CTRC: variants seen among roughly 807,000 people sequenced by gnomAD.
The protein encoded by CTRC is chymotrypsin C.
A neutral mutation model predicts 35.7 loss-of-function variants in CTRC; 32 were observed. The ratio of observed to expected loss-of-function variants is 0.90; its 90% CI spans 0.68 to 1.20. CTRC has a LOEUF of 1.20. Among genes scored for constraint, CTRC ranks in the 50% most tolerant of loss-of-function variants. The pLI, the probability that CTRC is intolerant of heterozygous loss-of-function variation, is 0.00. For missense variants in CTRC, 324 were observed against 361.5 expected, an observed-to-expected ratio of 0.90 and a Z score of 0.84; for synonymous variants, 119 against 149.5, an observed-to-expected ratio of 0.80 and a Z score of 1.49.
chr1:15,443,683 G>T (rs775638031), intron 5 of CTRC, 128 bp downstream of exon 5: 341 of 1,160,158 alleles, frequency 2.9e-4, no homozygotes, highest in Non-Finnish European at 4.0e-4. Flanking sequence ...AACAATAACA[G>T]CTAATATTTA....
rs576596713 is a variant in CTRC, at chr1:15,446,941, G to A, written c.*352G>A. 155 of 421,546 alleles carry A rather than the reference G, an allele frequency of 3.7e-4. No homozygotes were observed. Among genetic ancestry groups the A allele is most frequent in the African/African-American group, 2.9e-3 (142 of 49,452 alleles). The allele number at this position is 421,546 out of a possible 1,614,324, so 26.1% of individuals were successfully genotyped here. ...TTCCCCGCTCCATCTCACAAGCTGC[G>A]AACAGGTGAGACCCTGATGAAATCA... On this transcript the variant is annotated 3_prime_UTR_variant, in exon 8 of 8. Transcript: ENST00000375949.
intron 3 of CTRC, among the ~76,000 whole-genome samples, chr1:15,441,989 G>A (rs10436954): frequency 0.013 from 2,037 of 152,038 alleles, 26 homozygotes; most frequent in Non-Finnish European, 0.018. Flanking sequence ...CAATCCCCCC[G>A]TCTCGGCTTC....
In CTRC at chr1:15,445,591, G is replaced by A. The variant is rs766713372; in HGVS notation, c.640-6G>A. ...TGGTGGCTTATGCCCTCCCGGTCTG[G>A]TGCAGGGGGACTCCGGTGGCCCACT... On this transcript the variant is annotated splice_polypyrimidine_tract_variant and splice_region_variant and intron_variant, in intron 6 of 7. Transcript: ENST00000375949. 61 of 1,613,974 alleles carry A rather than the reference G, an allele frequency of 3.8e-5. No individual in the cohort carries two copies. The South Asian group carries it at 6.4e-4, about 17-fold the overall frequency.
chr1:15,445,458 A>G lies in CTRC; in HGVS notation c.640-139A>G, dbSNP rs992083555. The G allele has an allele frequency of 4.9e-6, 4 of 811,754 alleles. No homozygotes were observed. The African/African-American group carries it at 5.0e-5, about 10-fold the overall frequency. 50.3% of individuals were successfully genotyped at this position (811,754 alleles called of 1,614,324 possible). ...CCACATTTCCTCTGCCTCCCTCACC[A>G]TGGGCAGGCTGAGGCCAAATCTGTC... On this transcript the variant is annotated intron_variant, in intron 6 of 7. Coordinates refer to ENST00000375949, the MANE Select transcript of CTRC (RefSeq NM_007272.3).
intron 4 of CTRC, among the ~76,000 whole-genome samples, chr1:15,442,924 C>CA (rs1157785920): frequency 1.3e-5 from 2 of 152,130 alleles, no homozygotes; most frequent in African/African-American, 4.8e-5. Flanking sequence ...CAGCCCTGGA[C>CA]AAAGAACCAA....
chr1:15,440,267 T>A (rs1234984072), intron 1 of CTRC, 33 bp from the exon 2 acceptor site: 2 of 876,892 alleles, frequency 2.3e-6, no homozygotes, highest in Non-Finnish European at 3.3e-6. Flanking sequence ...ACCAGCCCTA[T>A]TCACTGGTTC....
rs1317760083 is a variant in CTRC, at chr1:15,442,428, G to A, written c.231-19G>A. 1 of 1,602,164 alleles carries A rather than the reference G, an allele frequency of 6.2e-7. No homozygotes were observed. Among genetic ancestry groups the A allele is most frequent in the South Asian group, 1.1e-5 (1 of 89,500 alleles). On this transcript the variant is annotated intron_variant, in intron 3 of 7. Transcript: ENST00000375949. ...AGGACCAGGGGGCCACCCTGACCTG[G>A]ACCCCTTCCTCTGCCCAGCAACACC...
chr1:15,446,356 G>A (rs1176737024), intron 7 of CTRC, among the ~76,000 whole-genome samples: 1 of 152,258 alleles, frequency 6.6e-6, no homozygotes, highest in Admixed American at 6.5e-5. Context: ...CCCTGGGCTG[G>A]GGGCTTCCCC....
rs1708187546 is a variant in CTRC, at chr1:15,444,602, C to G, written c.494-4C>G. ...TCCCTGGTCACTGCTCACTCTCTCCCCAGCCAACGGCCCCATTGCTGATAA... is the reference window on the plus strand; with the variant it reads ...TCCCTGGTCACTGCTCACTCTCTCCGCAGCCAACGGCCCCATTGCTGATAA... On this transcript the variant is annotated splice_polypyrimidine_tract_variant and splice_region_variant and intron_variant, in intron 5 of 7. Transcript: ENST00000375949. 6.2e-7 allele frequency: 1 copy of G among 1,614,178 alleles called. No individual in the cohort carries two copies. Among genetic ancestry groups the G allele is most frequent in the Non-Finnish European group, 8.5e-7 (1 of 1,180,034 alleles).
chr1:15,443,628 CTTTGCCTT>C (rs1708169804), intron 5 of CTRC, 73 bp downstream of exon 5: 2 of 1,599,958 alleles, frequency 1.3e-6, no homozygotes, highest in Non-Finnish European at 1.7e-6. Context: ...TTGTCCACCA[CTTTGCCTT>C]TTTGCCTTCA....
intron 6 of CTRC, 135 bp downstream of exon 6, chr1:15,444,886 G>A (rs567493086): frequency 9.0e-7 from 1 of 1,110,600 alleles, no homozygotes; most frequent in African/African-American, 1.5e-5. Flanking sequence ...CAGGCTCAGG[G>A]TAAGCCCATC....
intron 3 of CTRC, among the ~76,000 whole-genome samples, chr1:15,440,955 G>A (rs1162088915): frequency 1.3e-5 from 2 of 152,124 alleles, no homozygotes; most frequent in Admixed American, 1.3e-4. Flanking sequence ...CGACGCAGGC[G>A]GATCACCTGA....
rs1199627681 is a variant in CTRC at position 15,444,751 on chromosome 1, T to C, written c.639T>C (p.Asn213=). ...AGGDGVISAC[N]GDSGGPLNCQ... Reference sequence around the variant, plus strand: ...GCGATGGCGTCATCTCAGCCTGCAATGTGAGTGGCTAGGTTCTGCACCTTG... The same window carrying C: ...GCGATGGCGTCATCTCAGCCTGCAACGTGAGTGGCTAGGTTCTGCACCTTG... The change falls in exon 6 of 8, where the codon AAT becomes AAC. Residue 213 remains asparagine (N), a splice_region_variant and synonymous_variant. Transcript: ENST00000375949. The C allele has an allele frequency of 1.9e-6, 3 of 1,614,040 alleles. No homozygotes were observed. The highest frequency in any genetic ancestry group is 2.5e-6 in the Non-Finnish European group (3 of 1,180,042).
At chr1:15,444,473 T>C in intron 5 of CTRC, 133 bp from the exon 6 acceptor site, 2 of 1,052,514 alleles carry the variant, frequency 1.9e-6, no homozygotes, top group South Asian at 2.7e-5. Context: ...GAAGGGCAGG[T>C]GTGTGGTCCG....
At chr1:15,439,004 T>C (rs1280732531) in intron 1 of CTRC, among the ~76,000 whole-genome samples, 3 of 152,020 alleles carry the variant, frequency 2.0e-5, no homozygotes, top group African/African-American at 7.3e-5. Context: ...TAATGAAGAG[T>C]CCTTCCAGCT....
chr1:15,445,544 A>G, intron 6 of CTRC, 53 bp from the exon 7 acceptor site: 1 of 1,594,906 alleles, frequency 6.3e-7, no homozygotes, highest in Non-Finnish European at 8.6e-7. Context: ...CTGCTTCCCA[A>G]GACTTCCTCT....
chr1:15,444,659 C>G lies in CTRC; in HGVS notation c.547C>G (p.His183Asp). ...GCAGGGCCTGCAGCCCGTGGTGGAT[C>G]ACGCCACGTGCTCCAGGATTGACTG... The part of the protein sequence containing the change: ...LQQGLQPVVD[H>D]ATCSRIDWWG... The change falls in exon 6 of 8, where the codon CAC becomes GAC. Residue 183 changes from histidine (H) to aspartate (D), a missense_variant. Coordinates refer to ENST00000375949, the MANE Select transcript of CTRC (RefSeq NM_007272.3). The G allele has an allele frequency of 6.2e-7, 1 of 1,614,208 alleles. No individual in the cohort carries two copies. The highest frequency in any genetic ancestry group is 8.5e-7 in the Non-Finnish European group (1 of 1,180,022).
chr1:15,440,631 G>A (rs1285882077), intron 3 of CTRC, 41 bp downstream of exon 3: 18 of 1,587,220 alleles, frequency 1.1e-5, no homozygotes, highest in Non-Finnish European at 1.6e-5. Flanking sequence ...CATCGTCCGG[G>A]GGCGGAAGCC....
Position 15,446,676 on chromosome 1 carries a change from G to C in CTRC, c.*87G>C. ...GCCACCTGGATCCTTGATTTGTGCA[G>C]CTTCTGTTGCTTCCCTCCTCTCTGG... On this transcript the variant is annotated 3_prime_UTR_variant, in exon 8 of 8. Transcript: ENST00000375949. The C allele has an allele frequency of 6.9e-7, 1 of 1,444,902 alleles. No individual in the cohort carries two copies. Among genetic ancestry groups the C allele is most frequent in the South Asian group, 1.1e-5 (1 of 87,570 alleles). 89.5% of individuals were successfully genotyped at this position (1,444,902 alleles called of 1,614,324 possible). A position where few individuals can be genotyped will look rare whatever the true frequency, so the allele number is the denominator to read the frequency against.
Sources: gnomAD v4.1 joint callset for allele counts (sites outside exome capture counted in the v4.1 genomes callset) on GRCh38, gnomAD v4.1.1 for gene constraint, MANE v1.5 for transcripts, NCBI Gene and HGNC (gene_info 2026-07-23, HGNC 2026-07-21) for gene names.